The following COX6C variants were observed in gnomAD, a reference collection of about 807,000 sequenced individuals.
COX6C encodes cytochrome c oxidase subunit 6C, also known as cytochrome c oxidase polypeptide VIc.
COX6C carries 3 observed loss-of-function variants against 6.9 expected under a neutral mutation model. That is an observed-to-expected ratio of 0.43 (90% CI 0.20 to 1.12). The LOEUF (loss-of-function observed/expected upper bound fraction) is 1.12, where lower values mean the gene tolerates loss of function less well. Among genes scored for constraint, COX6C ranks in the 50% most tolerant of loss-of-function variants. The pLI, the probability that COX6C is intolerant of heterozygous loss-of-function variation, is 0.27. For synonymous variants in COX6C, 32 were observed against 32.0 expected (o/e 1.00, Z 0.00); for missense variants, 101 against 97.3 (o/e 1.04, Z -0.16).
intron 3 of COX6C, among the ~76,000 whole-genome samples, chr8:99,883,466 TATATA>T (rs1817897540): frequency 3.4e-5 from 5 of 146,528 alleles, no homozygotes; most frequent in Admixed American, 6.7e-5. Flanking sequence ...TATATATATA[TATATA>T]TTTTTTTTTT....
intron 3 of COX6C, among the ~76,000 whole-genome samples, chr8:99,884,699 T>C (rs1817919164): frequency 6.6e-6 from 1 of 152,164 alleles, no homozygotes; most frequent in South Asian, 2.1e-4. Flanking sequence ...TTACTGAAAC[T>C]ATGGATGGTA....
In COX6C at chr8:99,892,645, C is replaced by A. The variant is rs1342843792; in HGVS notation, c.-31-593G>T. Among the ~76,000 whole-genome samples the A allele has an allele frequency of 3.3e-5, 5 of 152,152 alleles. No individual in the cohort carries two copies. The East Asian group carries it at 9.6e-4, about 29-fold the overall frequency. ...AGTGGATGGATTCCTCCCACAAAGC[C>A]TAAGCTGTCTCTTGGCTTAGCCTGT... On this transcript the variant is annotated intron_variant, in intron 1 of 3. Coordinates refer to ENST00000520468, the MANE Select transcript of COX6C (RefSeq NM_004374.4).
intron 3 of COX6C, among the ~76,000 whole-genome samples, chr8:99,883,973 A>G (rs1489766879): frequency 6.6e-6 from 1 of 152,208 alleles, no homozygotes; most frequent in East Asian, 1.9e-4. Context: ...TTCATGATCA[A>G]AACTATCAAC....
chr8:99,892,143 C>T (rs1281516500), intron 1 of COX6C, 91 bp from the exon 2 acceptor site: 2 of 678,576 alleles, frequency 2.9e-6, no homozygotes, highest in African/African-American at 1.8e-5. Flanking sequence ...TTGGAGCTGC[C>T]CTGAATATAC....
chr8:99,882,172 G>C (rs1817875816), intron 3 of COX6C, among the ~76,000 whole-genome samples: 2 of 152,100 alleles, frequency 1.3e-5, no homozygotes, highest in East Asian at 1.9e-4. Context: ...TTCAATAATT[G>C]ACAGAACAAC....
intron 2 of COX6C, among the ~76,000 whole-genome samples, chr8:99,888,441 G>C (rs564821701): frequency 3.1e-4 from 47 of 151,942 alleles, no homozygotes; most frequent in Admixed American, 5.2e-4. Context: ...CATGGTGGTG[G>C]GCACCTGTAA....
At chr8:99,883,425 ATATATG>A (rs1817894481) in intron 3 of COX6C, among the ~76,000 whole-genome samples, 1 of 139,674 alleles carries the variant, frequency 7.2e-6, no homozygotes, top group African/African-American at 2.9e-5. Flanking sequence ...GTGTGTGTGT[ATATATG>A]TATGTGTGTG....
chr8:99,888,115 T>A (rs562192560), intron 2 of COX6C, among the ~76,000 whole-genome samples: 12 of 144,724 alleles, frequency 8.3e-5, no homozygotes, highest in African/African-American at 2.0e-4. Flanking sequence ...TAAAAAAAAA[T>A]AAAAAATAAA....
chr8:99,891,979 G>C lies in COX6C; in HGVS notation c.43C>G (p.Leu15Val), dbSNP rs1412238868. The C allele has an allele frequency of 1.9e-6, 3 of 1,613,820 alleles. No homozygotes were observed. The highest frequency in any genetic ancestry group is 2.2e-5 in the East Asian group (1 of 44,882). ...VLPKPRMRGL[L>V]ARRLRNHMAV... is the part of the protein sequence containing the mutation. ...ATATGATTTCGCAGACGCCTGGCCA[G>C]AAGGCCACGCATCCGAGGTTTTGGC... The change falls in exon 2 of 4, where the codon CTG (leucine) becomes GTG (valine). Residue 15 changes from leucine to valine, a missense_variant. Coordinates refer to ENST00000520468, the MANE Select transcript of COX6C (RefSeq NM_004374.4).
At chr8:99,889,219 A>G (rs1041698728) in intron 2 of COX6C, among the ~76,000 whole-genome samples, 8 of 152,082 alleles carry the variant, frequency 5.3e-5, no homozygotes, top group Non-Finnish European at 1.2e-4. Flanking sequence ...TGTCTCTCCA[A>G]AGAGTCCCAA....
Position 99,887,627 on chromosome 8 carries a change from C to T in COX6C, c.115-9G>A, listed in dbSNP as rs1817964952. ...TGATCAGCCACACGAAACTAAAAAG[C>T]AACCATCCATTAGAGTTTATTTTTC... On this transcript the variant is annotated splice_polypyrimidine_tract_variant and intron_variant, in intron 2 of 3. Transcript: ENST00000520468. 1 of 1,563,662 alleles carries T rather than the reference C, an allele frequency of 6.4e-7. No individual in the cohort carries two copies. The highest frequency in any genetic ancestry group is 8.7e-7 in the Non-Finnish European group (1 of 1,149,946).
chr8:99,880,606 T>C (rs1256470266), intron 3 of COX6C, among the ~76,000 whole-genome samples: 3 of 152,078 alleles, frequency 2.0e-5, no homozygotes, highest in African/African-American at 7.2e-5. Context: ...CCGGACATGG[T>C]GGCTCATGCC....
intron 3 of COX6C, among the ~76,000 whole-genome samples, chr8:99,881,880 T>C (rs749616951): frequency 1.3e-5 from 2 of 152,116 alleles, no homozygotes; most frequent in Non-Finnish European, 2.9e-5. Flanking sequence ...GACACACAAG[T>C]TGAAAGTGAA....
intron 2 of COX6C, among the ~76,000 whole-genome samples, chr8:99,890,370 T>C (rs1488933174): frequency 6.6e-6 from 1 of 152,208 alleles, no homozygotes; most frequent in Non-Finnish European, 1.5e-5. Context: ...TCAGTTATGT[T>C]CTATCTTGCA....
In COX6C at chr8:99,891,987, C is replaced by G. The variant is rs200470517; in HGVS notation, c.35G>C (p.Arg12Pro). The change falls in exon 2 of 4, where the codon CGT (arginine) becomes CCT (proline). Residue 12 changes from arginine to proline, a missense_variant. Coordinates refer to ENST00000520468, the MANE Select transcript of COX6C (RefSeq NM_004374.4). ...TCGCAGACGCCTGGCCAGAAGGCCA[C>G]GCATCCGAGGTTTTGGCAAAACTTC... ...APEVLPKPRM[R>P]GLLARRLRNH... 1 of 1,613,660 alleles carries G rather than the reference C, an allele frequency of 6.2e-7. No individual in the cohort carries two copies. Among genetic ancestry groups the G allele is most frequent in the Non-Finnish European group, 8.5e-7 (1 of 1,179,928 alleles).
At chr8:99,891,815 G>C in intron 2 of COX6C, 93 bp downstream of exon 2, 1 of 1,091,034 alleles carries the variant, frequency 9.2e-7, no homozygotes, top group Admixed American at 1.7e-5. Flanking sequence ...GGGTTAGAAA[G>C]AAACACATTA....
At chr8:99,883,228 T>C (rs184005742) in intron 3 of COX6C, among the ~76,000 whole-genome samples, 1 of 152,056 alleles carries the variant, frequency 6.6e-6, no homozygotes, top group Non-Finnish European at 1.5e-5. Flanking sequence ...ACCAAACTTT[T>C]TTGAGACAGG....
Position 99,892,059 on chromosome 8 carries a change from A to C in COX6C, c.-31-7T>G. ...CCTTGATACGTATGCTAACCTTAAG[A>C]GATTCAGAAAATATGATTAAGTACA... On this transcript the variant is annotated splice_region_variant and splice_polypyrimidine_tract_variant and intron_variant, in intron 1 of 3. Coordinates refer to ENST00000520468, the MANE Select transcript of COX6C (RefSeq NM_004374.4). 1 of 1,466,290 alleles carries C rather than the reference A, an allele frequency of 6.8e-7. No individual in the cohort carries two copies. Among genetic ancestry groups the C allele is most frequent in the Non-Finnish European group, 9.4e-7 (1 of 1,068,094 alleles). The allele number at this position is 1,466,290 out of a possible 1,614,324, so 90.8% of individuals were successfully genotyped here.
intron 2 of COX6C, among the ~76,000 whole-genome samples, chr8:99,888,338 C>T (rs956762734): frequency 1.3e-5 from 2 of 151,930 alleles, no homozygotes; most frequent in African/African-American, 4.8e-5. Context: ...TTTGGGAGGC[C>T]AAGGGGGGCG....
Sources: gnomAD v4.1 joint callset for allele counts (sites outside exome capture counted in the v4.1 genomes callset) on GRCh38, gnomAD v4.1.1 for gene constraint, MANE v1.5 for transcripts, NCBI Gene and HGNC (gene_info 2026-07-23, HGNC 2026-07-21) for gene names.